ZDHHC1: variants seen among roughly 807,000 people sequenced by gnomAD.
ZDHHC1 encodes zDHHC palmitoyltransferase 1.
Under a neutral mutation model 46.9 loss-of-function variants are expected in ZDHHC1, and 45 were observed. The observed-to-expected ratio is 0.96, with a 90% CI of 0.76 to 1.23. The LOEUF is 1.23. ZDHHC1 is among the 50% of genes most tolerant of loss of function. The pLI, the probability that ZDHHC1 is intolerant of heterozygous loss-of-function variation, is 0.00. For missense variants in ZDHHC1, 649 were observed against 670.8 expected, an observed-to-expected ratio of 0.97 and a Z score of 0.36; for synonymous variants, 291 against 286.0, an observed-to-expected ratio of 1.02 and a Z score of -0.18.
chr16:67,398,982 C>T (rs1269841752), intron 5 of ZDHHC1, 38 bp from the exon 6 acceptor site: 2 of 1,602,878 alleles, frequency 1.2e-6, no homozygotes, highest in Non-Finnish European at 1.7e-6. Context: ...CTCCCCGGAG[C>T]TCCAGCCTCA....
Position 67,398,863 on chromosome 16 carries a change from G to A in ZDHHC1, c.612C>T (p.Phe204=). 1 of 1,613,082 alleles carries A rather than the reference G, an allele frequency of 6.2e-7. No homozygotes were observed. Among genetic ancestry groups the A allele is most frequent in the Non-Finnish European group, 8.5e-7 (1 of 1,179,506 alleles). ...TGCGCAGACGCATGGGGTTGACAAA[G>A]AACTCCACGAAGACATATGTGGCCA... ...VLVATYVFVE[F]FVNPMRLRTN... Residue 204 remains phenylalanine, a synonymous_variant, in exon 6 of 12, where the codon TTC becomes TTT. Transcript: ENST00000565726.
intron 1 of ZDHHC1, among the ~76,000 whole-genome samples, chr16:67,414,943 C>A (rs1447930590): frequency 2.0e-5 from 3 of 152,134 alleles, no homozygotes; most frequent in Non-Finnish European, 4.4e-5. Flanking sequence ...TCAAGACCAG[C>A]CTGGCCAACA....
rs751666264 is a variant in ZDHHC1 at position 67,406,174 on chromosome 16, C to T, written c.252+26G>A. 1 of 1,608,224 alleles carries T rather than the reference C, an allele frequency of 6.2e-7. No homozygotes were observed. The highest frequency in any genetic ancestry group is 8.5e-7 in the Non-Finnish European group (1 of 1,176,368). On this transcript the variant is annotated intron_variant, in intron 3 of 11. Transcript: ENST00000565726. The surrounding 1 kb of genome is among the most constrained non-coding windows in gnomAD (Gnocchi z 4.1). The stretch of plus-strand genomic sequence containing the variant: ...TCCTTTGCCTCCCCACTTCCACACA[C>T]CAGCCCTACGCTTTCCCAAGGATAC...
chr16:67,397,266 C>T (rs1445860212), intron 8 of ZDHHC1, among the ~76,000 whole-genome samples: 1 of 152,226 alleles, frequency 6.6e-6, no homozygotes, highest in African/African-American at 2.4e-5. Flanking sequence ...AAGTCTCCTG[C>T]CTACTTCTCT....
chr16:67,404,150 G>A (rs1031410256), intron 3 of ZDHHC1: 2 of 130,002 alleles, frequency 1.5e-5, no homozygotes, highest in Non-Finnish European at 2.9e-5. Context: ...CAACAGGGCT[G>A]GATGACTGAC....
intron 9 of ZDHHC1, 99 bp downstream of exon 9, chr16:67,395,385 G>C: frequency 6.5e-7 from 1 of 1,527,584 alleles, no homozygotes; most frequent in Non-Finnish European, 8.8e-7. Context: ...AGAAGGGCCT[G>C]ACCCATGCCC....
At chr16:67,409,081 G>C (rs2040708681) in intron 1 of ZDHHC1, among the ~76,000 whole-genome samples, 1 of 152,146 alleles carries the variant, frequency 6.6e-6, no homozygotes, top group South Asian at 2.1e-4. Flanking sequence ...GCATGCAGCT[G>C]ATCTGGCCCC....
At chr16:67,398,086 C>T (rs748358478) in intron 8 of ZDHHC1, 126 bp downstream of exon 8, 217 of 915,032 alleles carry the variant, frequency 2.4e-4, no homozygotes, top group Non-Finnish European at 3.1e-4. Flanking sequence ...AGCACAAGCC[C>T]GGTCCCTGCT....
chr16:67,395,416 C>A, intron 9 of ZDHHC1, 68 bp downstream of exon 9: 1 of 1,544,886 alleles, frequency 6.5e-7, no homozygotes, highest in Non-Finnish European at 8.7e-7. Flanking sequence ...CTACCCCCTT[C>A]TCCTGCCTCG....
chr16:67,395,184 T>A lies in ZDHHC1; in HGVS notation c.1104+3A>T, dbSNP rs575267844. 1.2e-5 allele frequency: 19 copies of A among 1,612,718 alleles called. No homozygotes were observed. The South Asian group carries it at 1.3e-4, about 11-fold the overall frequency. The stretch of plus-strand genomic sequence containing the variant: ...ACCGGAGGCCCAGCACAGTCCCTCC[T>A]ACCTGGGGTCGGATCCGGGGAGGCA... On this transcript the variant is annotated splice_donor_region_variant and intron_variant, in intron 10 of 11. Coordinates refer to ENST00000565726, the MANE Select transcript of ZDHHC1 (RefSeq NM_001323627.2).
intron 1 of ZDHHC1, among the ~76,000 whole-genome samples, chr16:67,412,982 T>A (rs1351967670): frequency 1.3e-5 from 2 of 152,050 alleles, no homozygotes; most frequent in African/African-American, 4.8e-5. Flanking sequence ...TGAATTTTTT[T>A]AATAGAGACG....
chr16:67,412,670 C>A (rs2040766507), intron 1 of ZDHHC1, among the ~76,000 whole-genome samples: 1 of 152,224 alleles, frequency 6.6e-6, no homozygotes, highest in Non-Finnish European at 1.5e-5. Flanking sequence ...TGGCCACAGC[C>A]AACTCAGCTA....
At chr16:67,404,616 G>A (rs1330324461) in intron 3 of ZDHHC1, 9 of 448,306 alleles carry the variant, frequency 2.0e-5, no homozygotes, top group African/African-American at 8.0e-5. Flanking sequence ...CCCTCAACCC[G>A]CCCCTCTCAG....
chr16:67,411,091 C>CAA, intron 1 of ZDHHC1, among the ~76,000 whole-genome samples: 1 of 147,852 alleles, frequency 6.8e-6, no homozygotes, highest in Non-Finnish European at 1.5e-5. Context: ...CTGCTCCCAA[C>CAA]AAAAAAAAAA....
chr16:67,407,098 G>C (rs149953507), intron 2 of ZDHHC1, among the ~76,000 whole-genome samples: 3 of 152,344 alleles, frequency 2.0e-5, no homozygotes, highest in African/African-American at 7.2e-5. Flanking sequence ...GTTTCTCTAA[G>C]TAAATCTGGG....
At chr16:67,396,392 G>A (rs1211904380) in intron 8 of ZDHHC1, 2 of 152,272 alleles carry the variant, frequency 1.3e-5, no homozygotes, top group Admixed American at 6.5e-5. Flanking sequence ...GGAGCCGGGA[G>A]GGGTTGCCGG....
At chr16:67,396,500 T>C (rs1447312914) in intron 8 of ZDHHC1, among the ~76,000 whole-genome samples, 1 of 151,850 alleles carries the variant, frequency 6.6e-6, no homozygotes, top group Non-Finnish European at 1.5e-5. Context: ...CAAGGCCGTC[T>C]CTAAAACAAG....
At chr16:67,413,901 T>C (rs915010689) in intron 1 of ZDHHC1, among the ~76,000 whole-genome samples, 16 of 141,914 alleles carry the variant, frequency 1.1e-4, no homozygotes, top group Non-Finnish European at 2.2e-4. Flanking sequence ...ATCATGCCAT[T>C]GCACTCCAGA....
chr16:67,406,655 G>A lies in ZDHHC1; in HGVS notation c.10-213C>T, dbSNP rs1417746579. Among the ~76,000 whole-genome samples the A allele has an allele frequency of 6.6e-6, 1 of 152,182 alleles. No homozygotes were observed. The highest frequency in any genetic ancestry group is 1.5e-5 in the Non-Finnish European group (1 of 68,038). On this transcript the variant is annotated intron_variant, in intron 2 of 11. Coordinates refer to ENST00000565726, the MANE Select transcript of ZDHHC1 (RefSeq NM_001323627.2). The surrounding 1 kb of genome is among the most constrained non-coding windows in gnomAD (Gnocchi z 4.1). ...AAGCCCAAAGCAAACCCTGGCCCTA[G>A]ACTGGCCAGGACAAGGTAGGAGGGC...
Sources: gnomAD v4.1 joint callset for allele counts (sites outside exome capture counted in the v4.1 genomes callset) on GRCh38, gnomAD v4.1.1 for gene constraint, Gnocchi (gnomAD v3.1) non-coding constraint, MANE v1.5 for transcripts, NCBI Gene and HGNC (gene_info 2026-07-23, HGNC 2026-07-21) for gene names.